Variants in AFMID observed in about 807,000 individuals in gnomAD.
AFMID encodes the protein kynurenine formamidase.
AFMID carries 39 observed loss-of-function variants against 47.5 expected under a neutral mutation model. The observed-to-expected ratio is 0.82, with a 90% CI of 0.64 to 1.07. AFMID has a LOEUF of 1.07. Ranked by LOEUF, AFMID falls within the 50% of genes least tolerant of loss-of-function variation. The pLI, the probability that AFMID is intolerant of heterozygous loss-of-function variation, is 0.00. For synonymous variants in AFMID, 130 were observed against 153.2 expected (o/e 0.85, Z 1.12); for missense variants, 375 against 387.5 (o/e 0.97, Z 0.27).
chr17:78,196,438 G>T (rs2076116421), intron 2 of AFMID, among the ~76,000 whole-genome samples: 2 of 152,084 alleles, frequency 1.3e-5, no homozygotes, highest in South Asian at 4.1e-4. Context: ...AGCACTTTGG[G>T]AGGCCAGAGG....
Position 78,205,610 on chromosome 17 carries a change from G to T in AFMID, c.652G>T (p.Ala218Ser), listed in dbSNP as rs926323806. 1.2e-5 allele frequency: 19 copies of T among 1,613,506 alleles called. No homozygotes were observed. The highest frequency in any genetic ancestry group is 1.5e-5 in the Non-Finnish European group (18 of 1,179,714). The change falls in exon 9 of 11, where the codon GCT (alanine) becomes TCT (serine). Residue 218 changes from alanine (A) to serine (S), a missense_variant. Transcript: ENST00000409257. The part of the protein sequence containing the change: ...NVALQLTLED[A>S]QRNSPQLKVA... ...GTCCACTCCCCACCCCAGGGAGGACGCTCAGAGGAATAGCCCCCAGCTGAA... is the reference window on the plus strand; with the variant it reads ...GTCCACTCCCCACCCCAGGGAGGACTCTCAGAGGAATAGCCCCCAGCTGAA...
intron 2 of AFMID, among the ~76,000 whole-genome samples, chr17:78,201,824 G>A (rs999333478): frequency 6.6e-6 from 1 of 151,450 alleles, no homozygotes; most frequent in Non-Finnish European, 1.5e-5. Flanking sequence ...TCCACCTCCC[G>A]GATTCACGCC....
intron 1 of AFMID, among the ~76,000 whole-genome samples, chr17:78,189,327 A>C (rs755428723): frequency 1.3e-5 from 2 of 148,252 alleles, no homozygotes; most frequent in Non-Finnish European, 3.0e-5. Flanking sequence ...AGTTCCAGCG[A>C]TTCTCCTGCC....
At chr17:78,202,871 T>A in intron 4 of AFMID, 120 bp downstream of exon 4, 6 of 1,215,932 alleles carry the variant, frequency 4.9e-6, no homozygotes, top group South Asian at 1.3e-5. Context: ...CAGGGCTGTG[T>A]CTCACAGCGC....
intron 2 of AFMID, among the ~76,000 whole-genome samples, chr17:78,193,235 G>A (rs1252169717): frequency 6.6e-6 from 1 of 152,034 alleles, no homozygotes; most frequent in East Asian, 1.9e-4. Context: ...GCCAGGCATG[G>A]TGGCGGGCGC....
chr17:78,197,690 G>A (rs138209386), intron 2 of AFMID: 188 of 159,420 alleles, frequency 1.2e-3, no homozygotes, highest in African/African-American at 4.3e-3. Context: ...AGAGCCTAGA[G>A]GGGTGGCTGC....
intron 2 of AFMID, among the ~76,000 whole-genome samples, chr17:78,200,735 T>TTC (rs2076224533): frequency 6.6e-6 from 1 of 152,314 alleles, no homozygotes; most frequent in South Asian, 2.1e-4. Flanking sequence ...AATTTCAGAC[T>TTC]TCTGGCCTTT....
intron 2 of AFMID, among the ~76,000 whole-genome samples, chr17:78,193,399 G>C (rs1274121860): frequency 8.5e-6 from 1 of 117,964 alleles, no homozygotes; most frequent in African/African-American, 3.4e-5. Flanking sequence ...AAAAAAAAAA[G>C]CTGTAAGCAA....
rs532591411 is a variant in AFMID at position 78,205,671 on chromosome 17, G to A, written c.713G>A (p.Arg238His). Reference protein sequence around the residue: ...AQAQPVDPTCRVLVVVGQFDS... With the variant: ...AQAQPVDPTCHVLVVVGQFDS... Reference sequence around the variant, plus strand: ...GCACAGCCGGTGGACCCCACCTGCCGTGTGCTGGTGGTCGTGGGCCAGTTC... The same window carrying A: ...GCACAGCCGGTGGACCCCACCTGCCATGTGCTGGTGGTCGTGGGCCAGTTC... The change falls in exon 9 of 11, where the codon CGT becomes CAT. Residue 238 changes from arginine (R) to histidine (H), a missense_variant. By Grantham distance (29) the Arg-to-His change is conservative (BLOSUM62 0). Coordinates refer to ENST00000409257, the MANE Select transcript of AFMID (RefSeq NM_001010982.5). 2.9e-5 allele frequency: 46 copies of A among 1,613,486 alleles called. No homozygotes were observed. The highest frequency in any genetic ancestry group is 3.3e-4 in the Middle Eastern group (2 of 6,062).
chr17:78,190,961 G>T lies in AFMID; in HGVS notation c.64-9G>T. ...AAGTCTTACGGAGCCTCATGTTTGTGCCCTGCAGGAGCTGGAGAATCAGTA... is the reference window on the plus strand; with the variant it reads ...AAGTCTTACGGAGCCTCATGTTTGTTCCCTGCAGGAGCTGGAGAATCAGTA... On this transcript the variant is annotated splice_polypyrimidine_tract_variant and intron_variant, in intron 1 of 10. Coordinates refer to ENST00000409257, the MANE Select transcript of AFMID (RefSeq NM_001010982.5). 1 of 1,613,058 alleles carries T rather than the reference G, an allele frequency of 6.2e-7. No individual in the cohort carries two copies. Among genetic ancestry groups the T allele is most frequent in the Non-Finnish European group, 8.5e-7 (1 of 1,179,672 alleles).
chr17:78,193,114 G>A (rs2076015940), intron 2 of AFMID, among the ~76,000 whole-genome samples: 1 of 152,062 alleles, frequency 6.6e-6, no homozygotes, highest in Non-Finnish European at 1.5e-5. Context: ...GCTCATGCCT[G>A]TAATCCCAGC....
At chr17:78,198,691 C>G (rs928337084) in intron 2 of AFMID, among the ~76,000 whole-genome samples, 1 of 151,658 alleles carries the variant, frequency 6.6e-6, no homozygotes, top group African/African-American at 2.4e-5. Flanking sequence ...CACCTGTAAT[C>G]CCAGCTGCTC....
intron 2 of AFMID, among the ~76,000 whole-genome samples, chr17:78,194,808 C>T (rs2076068039): frequency 6.6e-6 from 1 of 152,110 alleles, no homozygotes; most frequent in African/African-American, 2.4e-5. Context: ...GATTCTCCTG[C>T]CTCAGCCTCC....
In AFMID at chr17:78,204,841, C is replaced by A; in HGVS notation, c.408C>A (p.His136Gln). The A allele has an allele frequency of 6.2e-7, 1 of 1,614,242 alleles. No individual in the cohort carries two copies. Among genetic ancestry groups the A allele is most frequent in the South Asian group, 1.1e-5 (1 of 91,082 alleles). ...YGIAPKGTLD[H>Q]MVDQVTRSVA... ...CTCTCTGTGCAGGCACCCTGGACCA[C>A]ATGGTAGACCAGGTGACCCGCAGCG... is the stretch of plus-strand genomic sequence containing the variant. Residue 136 changes from histidine to glutamine, a missense_variant, in exon 6 of 11, where the codon CAC (histidine) becomes CAA (glutamine). By Grantham distance (24) the His-to-Gln change is conservative. Transcript: ENST00000409257.
chr17:78,198,443 A>G (rs987077155), intron 2 of AFMID, among the ~76,000 whole-genome samples: 2 of 145,128 alleles, frequency 1.4e-5, no homozygotes, highest in African/African-American at 5.1e-5. Flanking sequence ...TACTACAAAT[A>G]CAAAAAAAAA....
intron 2 of AFMID, among the ~76,000 whole-genome samples, chr17:78,199,684 T>TC (rs2076200819): frequency 1.4e-5 from 2 of 144,796 alleles, no homozygotes; most frequent in African/African-American, 5.3e-5. Flanking sequence ...GGCTTTTTTT[T>TC]CTCTAGGCCT....
chr17:78,190,468 A>G (rs1001145270), intron 1 of AFMID, among the ~76,000 whole-genome samples: 6 of 151,898 alleles, frequency 4.0e-5, no homozygotes, highest in Non-Finnish European at 7.4e-5. Context: ...ATCTCGGCTC[A>G]CTGCAACCTC....
intron 2 of AFMID, among the ~76,000 whole-genome samples, chr17:78,196,290 A>G (rs926843757): frequency 1.3e-5 from 2 of 152,244 alleles, no homozygotes; most frequent in African/African-American, 4.8e-5. Context: ...GCTTGAACTC[A>G]GGAGGCAGAG....
At chr17:78,194,004 G>A (rs1471301892) in intron 2 of AFMID, among the ~76,000 whole-genome samples, 1 of 150,870 alleles carries the variant, frequency 6.6e-6, no homozygotes, top group Non-Finnish European at 1.5e-5. Context: ...TTAAAAATTA[G>A]CAGGGTGCCG....
Sources: allele counts gnomAD v4.1 joint callset (sites outside exome capture counted in the v4.1 genomes callset), GRCh38; gene constraint gnomAD v4.1.1; transcripts MANE v1.5; gene names NCBI Gene and HGNC (gene_info 2026-07-23, HGNC 2026-07-21).